ADAMTSL1: variants seen among roughly 807,000 people sequenced by gnomAD.
ADAMTSL1 encodes the protein ADAMTS-like protein 1.
In ADAMTSL1, 126 loss-of-function variants were observed where a neutral mutation model predicts 201.8. That is an observed-to-expected ratio of 0.62 (90% CI 0.54 to 0.72). The LOEUF (loss-of-function observed/expected upper bound fraction) is 0.72, where lower values mean the gene tolerates loss of function less well. ADAMTSL1 is among the 30% of genes least tolerant of loss of function. The pLI is 0.00. For synonymous variants in ADAMTSL1, 1,121 were observed against 903.4 expected (o/e 1.24, Z -4.32); for missense variants, 2,679 against 2,277.8 (o/e 1.18, Z -3.59).
intron 1 of ADAMTSL1, among the ~76,000 whole-genome samples, chr9:18,054,074 T>A (rs1227623920): frequency 6.6e-6 from 1 of 152,202 alleles, no homozygotes; most frequent in Admixed American, 6.5e-5. Flanking sequence ...GAAACTACTA[T>A]AATTAAAACT....
intron 1 of ADAMTSL1, among the ~76,000 whole-genome samples, chr9:18,134,230 T>G (rs1826065388): frequency 1.3e-5 from 2 of 152,156 alleles, no homozygotes; most frequent in African/African-American, 4.8e-5. Flanking sequence ...AGTGTGAAGA[T>G]GTGTGGATGC....
intron 22 of ADAMTSL1, among the ~76,000 whole-genome samples, chr9:18,826,734 G>T (rs1824595543): frequency 6.6e-6 from 1 of 152,214 alleles, no homozygotes; most frequent in Non-Finnish European, 1.5e-5. Context: ...TCTATGCGGA[G>T]ACTCCAGACA....
chr9:18,895,819 A>G (rs1829599238), intron 26 of ADAMTSL1, among the ~76,000 whole-genome samples: 1 of 152,240 alleles, frequency 6.6e-6, no homozygotes. Context: ...TTTCAGCAAT[A>G]AAATCACAAG....
intron 4 of ADAMTSL1, among the ~76,000 whole-genome samples, chr9:18,576,353 G>A (rs1283337142): frequency 6.6e-6 from 1 of 152,210 alleles, no homozygotes; most frequent in African/African-American, 2.4e-5. Flanking sequence ...TAGTTTGGGA[G>A]AGAAACATGG....
chr9:18,762,089 A>G (rs1820101350), intron 16 of ADAMTSL1, among the ~76,000 whole-genome samples: 1 of 152,244 alleles, frequency 6.6e-6, no homozygotes, highest in Admixed American at 6.5e-5. Context: ...CATCAATTCA[A>G]CAAACATTTA....
In ADAMTSL1 at chr9:17,921,132, C is replaced by A. The variant is rs184688172; in HGVS notation, c.87+14210C>A. ...TTTGGCCTCTTGGGTTGTTCATCAT[C>A]TCTTAAAATCTTTTGTATTTATTTG... On this transcript the variant is annotated intron_variant, in intron 1 of 29. Transcript: ENST00000680146. Among the ~76,000 whole-genome samples the A allele has an allele frequency of 3.7e-4, 57 of 152,286 alleles. 1 individual carries two copies. Among genetic ancestry groups the A allele is most frequent in the Admixed American group, 5.2e-4 (8 of 15,286 alleles).
At chr9:18,047,894 G>A (rs375762083) in intron 1 of ADAMTSL1, among the ~76,000 whole-genome samples, 2 of 152,192 alleles carry the variant, frequency 1.3e-5, no homozygotes, top group East Asian at 1.9e-4. Flanking sequence ...AGGGAGGATT[G>A]CAGAGGATAG....
At chr9:18,856,997 A>T (rs576427784) in intron 23 of ADAMTSL1, among the ~76,000 whole-genome samples, 1 of 152,280 alleles carries the variant, frequency 6.6e-6, no homozygotes, top group South Asian at 2.1e-4. Flanking sequence ...GCTCATGTTT[A>T]TCACTTTCCC....
chr9:18,856,608 C>T (rs1383983088), intron 23 of ADAMTSL1, among the ~76,000 whole-genome samples: 2 of 151,804 alleles, frequency 1.3e-5, no homozygotes, highest in Non-Finnish European at 2.9e-5. Flanking sequence ...GGGTTACAGG[C>T]TTGTAACCCT....
intron 9 of ADAMTSL1, among the ~76,000 whole-genome samples, chr9:18,664,505 A>C (rs1221837605): frequency 6.6e-6 from 1 of 152,114 alleles, no homozygotes; most frequent in South Asian, 2.1e-4. Flanking sequence ...TCTTGGTATA[A>C]AGTCACATGT....
chr9:18,339,730 G>A (rs144600386), intron 2 of ADAMTSL1, among the ~76,000 whole-genome samples: 1 of 152,200 alleles, frequency 6.6e-6, no homozygotes, highest in Non-Finnish European at 1.5e-5. Flanking sequence ...CTGAGCCACT[G>A]CTTCAGGTCT....
At chr9:18,074,116 T>A (rs1357152346) in intron 1 of ADAMTSL1, among the ~76,000 whole-genome samples, 1 of 152,172 alleles carries the variant, frequency 6.6e-6, no homozygotes, top group Non-Finnish European at 1.5e-5. Flanking sequence ...ATTGGGGACA[T>A]GAGATTTAAA....
intron 1 of ADAMTSL1, among the ~76,000 whole-genome samples, chr9:18,094,572 G>T (rs551782696): frequency 2.2e-4 from 33 of 151,970 alleles, no homozygotes; most frequent in Non-Finnish European, 3.5e-4. Flanking sequence ...ATTTCATCAG[G>T]TTCGGTCAAA....
chr9:18,841,665 C>G (rs1825722850), intron 23 of ADAMTSL1, among the ~76,000 whole-genome samples: 1 of 152,148 alleles, frequency 6.6e-6, no homozygotes, highest in Non-Finnish European at 1.5e-5. Flanking sequence ...TCCATCTGAT[C>G]CTGGACTGTT....
intron 1 of ADAMTSL1, among the ~76,000 whole-genome samples, chr9:18,162,021 T>TA (rs1827411731): frequency 6.6e-6 from 1 of 152,058 alleles, no homozygotes; most frequent in South Asian, 2.1e-4. Context: ...TTTAAAGGCT[T>TA]AAAATAGCAC....
intron 27 of ADAMTSL1, among the ~76,000 whole-genome samples, chr9:18,906,161 G>C (rs144092753): frequency 6.6e-6 from 1 of 152,140 alleles, no homozygotes; most frequent in South Asian, 2.1e-4. Context: ...CTCATACCTC[G>C]AGAGACCTGC....
intron 1 of ADAMTSL1, among the ~76,000 whole-genome samples, chr9:18,043,019 A>G (rs1336935932): frequency 6.6e-6 from 1 of 152,208 alleles, no homozygotes. Flanking sequence ...TTTGTAAGAC[A>G]AAAAGTAAGG....
chr9:18,665,257 T>C (rs1829360724), intron 9 of ADAMTSL1, among the ~76,000 whole-genome samples: 1 of 152,146 alleles, frequency 6.6e-6, no homozygotes, highest in Non-Finnish European at 1.5e-5. Context: ...TATCCACTTT[T>C]TGTGTTTACC....
intron 20 of ADAMTSL1, 45 bp downstream of exon 20, chr9:18,795,569 G>T: frequency 6.4e-7 from 1 of 1,554,322 alleles, no homozygotes; most frequent in Non-Finnish European, 8.7e-7. Context: ...AACCTTTATT[G>T]AATGAGTGCC....
Sources: gnomAD v4.1 joint callset for allele counts (sites outside exome capture counted in the v4.1 genomes callset) on GRCh38, gnomAD v4.1.1 for gene constraint, MANE v1.5 for transcripts, NCBI Gene and HGNC (gene_info 2026-07-23, HGNC 2026-07-21) for gene names.